PRRC2B: variants seen among roughly 807,000 people sequenced by gnomAD.
PRRC2B encodes the protein protein PRRC2B.
PRRC2B carries 68 observed loss-of-function variants against 242.3 expected under a neutral mutation model. The ratio of observed to expected loss-of-function variants is 0.28; its 90% CI spans 0.23 to 0.34. The LOEUF is 0.34. PRRC2B is among the 10% of genes least tolerant of loss of function. The probability of loss-of-function intolerance (pLI) is 1.00; values close to 1 mark genes in which losing one functional copy is unlikely to be tolerated. For missense variants in PRRC2B, 2,835 were observed against 2,954.8 expected, an observed-to-expected ratio of 0.96 and a Z score of 0.94; for synonymous variants, 1,228 against 1,173.6, an observed-to-expected ratio of 1.05 and a Z score of -0.95.
intron 14 of PRRC2B, among the ~76,000 whole-genome samples, chr9:131,471,837 G>C (rs866478278): frequency 7.2e-5 from 11 of 152,168 alleles, no homozygotes; most frequent in Non-Finnish European, 1.2e-4. Flanking sequence ...TCTCTGGTTG[G>C]AGATAGTCCA....
At chr9:131,431,845 C>T (rs894359360) in intron 2 of PRRC2B, among the ~76,000 whole-genome samples, 7 of 152,062 alleles carry the variant, frequency 4.6e-5, no homozygotes, top group Admixed American at 2.6e-4. Flanking sequence ...CTCGGCCTCC[C>T]AAAGTGCTGA....
intron 1 of PRRC2B, among the ~76,000 whole-genome samples, chr9:131,385,341 CAA>C (rs112849330): frequency 3.0e-5 from 4 of 135,448 alleles, no homozygotes; most frequent in Admixed American, 7.8e-5. Flanking sequence ...AACTCCGTCT[CAA>C]AAAAAAAAAA....
intron 1 of PRRC2B, among the ~76,000 whole-genome samples, chr9:131,397,584 T>TTTTTTTCTTAA (rs1837102500): frequency 1.1e-5 from 1 of 89,088 alleles, no homozygotes; most frequent in Non-Finnish European, 2.6e-5. Context: ...TTTTTTTTTT[T>TTTTTTTCTTAA]GCCTTGCACA....
upstream of PRRC2B, among the ~76,000 whole-genome samples, chr9:131,390,762 G>A (rs143707774): frequency 5.6e-3 from 777 of 138,882 alleles, 5 homozygotes; most frequent in East Asian, 0.013. Flanking sequence ...GATTACAGGC[G>A]TGAGCCACTG....
chr9:131,494,567 C>G lies in PRRC2B; in HGVS notation c.6555+81C>G, dbSNP rs1183970843. 1 of 749,340 alleles carries G rather than the reference C, an allele frequency of 1.3e-6. No individual in the cohort carries two copies. Among genetic ancestry groups the G allele is most frequent in the African/African-American group, 1.8e-5 (1 of 55,652 alleles). The allele number at this position is 749,340 out of a possible 1,614,324, so 46.4% of individuals were successfully genotyped here. A position where few individuals can be genotyped will look rare whatever the true frequency, so the allele number is the denominator to read the frequency against. Reference sequence around the variant, plus strand: ...CGCCAAAAGAGAAGGGACTGTCCAACCTATCTGAGCGCCCCCTGTCTAAAG... The same window carrying G: ...CGCCAAAAGAGAAGGGACTGTCCAAGCTATCTGAGCGCCCCCTGTCTAAAG... On this transcript the variant is annotated intron_variant, in intron 31 of 31. Coordinates refer to ENST00000683519, the MANE Select transcript of PRRC2B (RefSeq NM_013318.4). The surrounding 1 kb of genome is among the most constrained non-coding windows in gnomAD (Gnocchi z 4.3).
chr9:131,377,748 TTTTG>T lies in PRRC2B; in HGVS notation c.-56+4021_-56+4024del, dbSNP rs1489880389. ...CTGCCGCTTTCTCCTCTCCTCTCTG[TTTTG>T]TTTATTTGTTTGTTTTGTTTTTAGA... is the stretch of plus-strand genomic sequence containing the variant. On this transcript the variant is annotated intron_variant, in intron 1 of 1. Coordinates refer to the PRRC2B transcript ENST00000682525. Among the ~76,000 whole-genome samples the T allele has an allele frequency of 2.2e-4, 33 of 152,246 alleles. 1 individual carries two copies. The highest frequency in any genetic ancestry group is 2.9e-5 in the Non-Finnish European group (2 of 68,020).
At chr9:131,459,501 A>G in intron 11 of PRRC2B, 145 bp downstream of exon 11, 2 of 777,904 alleles carry the variant, frequency 2.6e-6, no homozygotes, top group African/African-American at 1.7e-5. Flanking sequence ...ACAGGGTCTC[A>G]CTATGTTGCC....
chr9:131,441,505 A>G (rs1195725257), intron 5 of PRRC2B, among the ~76,000 whole-genome samples: 4 of 152,218 alleles, frequency 2.6e-5, no homozygotes, highest in African/African-American at 9.6e-5. Context: ...AGCCTGAAAA[A>G]CATAGCAAGA....
At chr9:131,491,714 C>T (rs531024926) in intron 29 of PRRC2B, 134 bp downstream of exon 29, 3 of 853,490 alleles carry the variant, frequency 3.5e-6, no homozygotes, top group African/African-American at 1.7e-5. Flanking sequence ...GGAAGGTGAC[C>T]ATGTGTGGGG....
Position 131,459,169 on chromosome 9 carries a change from G to T in PRRC2B, c.1217G>T (p.Ser406Ile). The change falls in exon 11 of 32, where the codon AGT (serine) becomes ATT (isoleucine). Residue 406 changes from serine to isoleucine, a missense_variant. Physicochemically the swap from Ser to Ile is moderately radical, Grantham distance 142. Coordinates refer to ENST00000683519, the MANE Select transcript of PRRC2B (RefSeq NM_013318.4). Reference sequence around the variant, plus strand: ...TCAAATGTGGTTTGTCCTAGGAACAGTTGGGACCCTAGGAGGCAGCGGCAG... The same window carrying T: ...TCAAATGTGGTTTGTCCTAGGAACATTTGGGACCCTAGGAGGCAGCGGCAG... ...VVKDGRPKWN[S>I]WDPRRQRQLS... 1 of 1,613,828 alleles carries T rather than the reference G, an allele frequency of 6.2e-7. No individual in the cohort carries two copies. Among genetic ancestry groups the T allele is most frequent in the Non-Finnish European group, 8.5e-7 (1 of 1,179,784 alleles).
In PRRC2B at chr9:131,459,177, C is replaced by G; in HGVS notation, c.1225C>G (p.Pro409Ala). ...DGRPKWNSWDPRRQRQLSMSS... is the reference protein window; with the variant it reads ...DGRPKWNSWDARRQRQLSMSS... ...GGTTTGTCCTAGGAACAGTTGGGAC[C>G]CTAGGAGGCAGCGGCAGTTGTCAAT... The change falls in exon 11 of 32, where the codon CCT becomes GCT. Residue 409 changes from proline (P) to alanine (A), a missense_variant. Pro to Ala is a conservative substitution (Grantham distance 27). Coordinates refer to ENST00000683519, the MANE Select transcript of PRRC2B (RefSeq NM_013318.4). 6.2e-7 allele frequency: 1 copy of G among 1,613,850 alleles called. No individual in the cohort carries two copies. The highest frequency in any genetic ancestry group is 8.5e-7 in the Non-Finnish European group (1 of 1,179,812).
Position 131,499,995 on chromosome 9 carries a change from CTTG to C in PRRC2B, c.*4124_*4126del, listed in dbSNP as rs1944423382. 6.6e-6 allele frequency: 1 copy of C among 152,148 alleles called. No individual in the cohort carries two copies. The highest frequency in any genetic ancestry group is 6.5e-5 in the Admixed American group (1 of 15,270). 9.4% of individuals were successfully genotyped at this position (152,148 alleles called of 1,614,324 possible). On this transcript the variant is annotated 3_prime_UTR_variant, in exon 32 of 32. Coordinates refer to ENST00000683519, the MANE Select transcript of PRRC2B (RefSeq NM_013318.4). Reference sequence around the variant, plus strand: ...CGATGGCTAGAGGTGTAATGTGCAGCTTGTTTATACGGTATTTTGGGAAACTTA... The same window carrying C: ...CGATGGCTAGAGGTGTAATGTGCAGCTTTATACGGTATTTTGGGAAACTTA...
intron 5 of PRRC2B, 54 bp downstream of exon 5, chr9:131,439,115 T>C: frequency 2.3e-5 from 32 of 1,405,648 alleles, no homozygotes; most frequent in Non-Finnish European, 3.0e-5. Flanking sequence ...GGGAGGTGAA[T>C]GCCTTTTCCA....
intron 12 of PRRC2B, among the ~76,000 whole-genome samples, 171 bp downstream of exon 12, chr9:131,465,249 G>A (rs996392529): frequency 1.3e-5 from 2 of 152,176 alleles, no homozygotes; most frequent in Non-Finnish European, 2.9e-5. Context: ...CCTGGGTTCT[G>A]ATCCTATTTG....
At chr9:131,459,895 C>T (rs1315839106) in intron 11 of PRRC2B, among the ~76,000 whole-genome samples, 1 of 141,058 alleles carries the variant, frequency 7.1e-6, no homozygotes, top group Non-Finnish European at 1.5e-5. Flanking sequence ...ACACAGTTTG[C>T]AAGGCTGAGG....
intron 9 of PRRC2B, among the ~76,000 whole-genome samples, chr9:131,450,743 A>G (rs1386106582): frequency 2.0e-5 from 3 of 151,444 alleles, no homozygotes; most frequent in Admixed American, 2.0e-4. Context: ...GTGGGCCACT[A>G]TGCCCTACTA....
At position 131,447,202 on chromosome 9, in the gene PRRC2B, G is replaced by T. The variant is rs1275506644; in HGVS notation, c.973G>T (p.Asp325Tyr). ...PFRQFQMNDQ[D>Y]GKENRLGLSR... ...TAGACAGTTCCAGATGAATGACCAAGACGGGTGAGTCCATTGCATTACAGT... is the reference window on the plus strand; with the variant it reads ...TAGACAGTTCCAGATGAATGACCAATACGGGTGAGTCCATTGCATTACAGT... The change falls in exon 8 of 32, where the codon GAC (aspartate) becomes TAC (tyrosine). Residue 325 changes from aspartate (D) to tyrosine (Y), a missense_variant. Physicochemically the swap from Asp to Tyr is radical, Grantham distance 160. Around this residue, in one of 7 missense-constraint regions of PRRC2B, gnomAD observed 626 missense variants for 685.5 expected, o/e 0.91. Coordinates refer to ENST00000683519, the MANE Select transcript of PRRC2B (RefSeq NM_013318.4). 3 of 1,613,876 alleles carry T rather than the reference G, an allele frequency of 1.9e-6. No homozygotes were observed. The highest frequency in any genetic ancestry group is 4.5e-5 in the East Asian group (2 of 44,898).
intron 5 of PRRC2B, among the ~76,000 whole-genome samples, chr9:131,443,353 G>A (rs1396143627): frequency 1.3e-5 from 2 of 151,304 alleles, no homozygotes; most frequent in African/African-American, 4.9e-5. Flanking sequence ...AGCCAGGATG[G>A]TCCCGATCTC....
intron 2 of PRRC2B, 86 bp from the exon 3 acceptor site, chr9:131,432,531 G>A (rs1233736783): frequency 6.2e-6 from 8 of 1,296,040 alleles, no homozygotes; most frequent in South Asian, 5.6e-5. Flanking sequence ...ATCACTTAGA[G>A]ATTGAAAGAA....
Sources: gnomAD v4.1 joint callset for allele counts (sites outside exome capture counted in the v4.1 genomes callset) on GRCh38, gnomAD v4.1.1 for gene constraint, gnomAD v4.1.1 regional missense constraint, Gnocchi (gnomAD v3.1) non-coding constraint, MANE v1.5 for transcripts, NCBI Gene and HGNC (gene_info 2026-07-23, HGNC 2026-07-21) for gene names.